Variants in NINL observed in about 807,000 individuals in gnomAD.
NINL encodes the protein ninein-like protein.
Under a neutral mutation model 160.3 loss-of-function variants are expected in NINL, and 153 were observed. That is an observed-to-expected ratio of 0.95 (90% CI 0.84 to 1.09). The LOEUF is 1.09. Among genes scored for constraint, NINL ranks in the 50% least tolerant of loss-of-function variants. The pLI is 0.00. For missense variants in NINL, 1,829 were observed against 1,764.0 expected, an observed-to-expected ratio of 1.04 and a Z score of -0.66; for synonymous variants, 800 against 734.8, an observed-to-expected ratio of 1.09 and a Z score of -1.43.
chr20:25,498,888 C>T (rs547645858), intron 8 of NINL: 128 of 984,902 alleles, frequency 1.3e-4, no homozygotes, highest in Non-Finnish European at 1.4e-4. Flanking sequence ...CACTAATAAA[C>T]TTCAAAGCAC....
chr20:25,501,665 G>C (rs2063869887), intron 7 of NINL, among the ~76,000 whole-genome samples: 1 of 152,210 alleles, frequency 6.6e-6, no homozygotes, highest in Admixed American at 6.5e-5. Flanking sequence ...CTCAGTGCTG[G>C]CTTCTGAGTT....
chr20:25,466,975 G>A (rs749191519), intron 19 of NINL, among the ~76,000 whole-genome samples: 1 of 152,206 alleles, frequency 6.6e-6, no homozygotes, highest in Non-Finnish European at 1.5e-5. Flanking sequence ...GAGCATGCTG[G>A]CGTGCGGCTC....
intron 1 of NINL, among the ~76,000 whole-genome samples, chr20:25,542,078 T>A (rs2064672465): frequency 6.6e-6 from 1 of 152,206 alleles, no homozygotes; most frequent in South Asian, 2.1e-4. Flanking sequence ...CAGCCTGCAC[T>A]CCTGGGGTGT....
chr20:25,532,939 C>A (rs998166527), intron 1 of NINL, among the ~76,000 whole-genome samples: 3 of 152,074 alleles, frequency 2.0e-5, no homozygotes, highest in African/African-American at 7.3e-5. Context: ...CAAATGGAGG[C>A]AGTTGGAAAC....
chr20:25,504,134 A>C, intron 6 of NINL, 30 bp from the exon 7 acceptor site: 1 of 1,535,996 alleles, frequency 6.5e-7, no homozygotes, highest in Non-Finnish European at 8.7e-7. Context: ...TCTCAGGCCC[A>C]CCCACAAGAG....
intron 21 of NINL, among the ~76,000 whole-genome samples, chr20:25,460,396 G>T (rs2062753829): frequency 6.6e-6 from 1 of 152,182 alleles, no homozygotes; most frequent in South Asian, 2.1e-4. Context: ...ACTTGGTGAG[G>T]TGCTTCCCAA....
At chr20:25,541,391 G>A (rs1864211737) in intron 1 of NINL, among the ~76,000 whole-genome samples, 1 of 152,228 alleles carries the variant, frequency 6.6e-6, no homozygotes, top group Non-Finnish European at 1.5e-5. Context: ...AGGCAAATGT[G>A]TCTGGGACTG....
At chr20:25,511,403 C>T (rs576128850) in intron 4 of NINL, among the ~76,000 whole-genome samples, 52 of 152,310 alleles carry the variant, frequency 3.4e-4, no homozygotes, top group African/African-American at 1.2e-3. Flanking sequence ...GCAGTGACTG[C>T]GTCAGCCAAC....
chr20:25,487,545 C>T (rs2063528444), intron 13 of NINL, among the ~76,000 whole-genome samples: 1 of 152,144 alleles, frequency 6.6e-6, no homozygotes, highest in African/African-American at 2.4e-5. Context: ...GGACCTAACC[C>T]TCTGTATGCC....
chr20:25,580,103 C>T (rs1338329852), intron 1 of NINL, among the ~76,000 whole-genome samples: 2 of 152,100 alleles, frequency 1.3e-5, no homozygotes, highest in African/African-American at 2.4e-5. Context: ...GAGGCCGAGG[C>T]GGGTGGATCA....
At chr20:25,456,880 C>T (rs1416099806) in intron 22 of NINL, among the ~76,000 whole-genome samples, 2 of 151,822 alleles carry the variant, frequency 1.3e-5, no homozygotes, top group Non-Finnish European at 2.9e-5. Flanking sequence ...TGCAGTGAGC[C>T]GAGATCGCAC....
rs756118829 is a variant in NINL at position 25,455,698 on chromosome 20, T to C, written c.3932A>G (p.Glu1311Gly). The C allele has an allele frequency of 1.2e-6, 2 of 1,614,052 alleles. No homozygotes were observed. The highest frequency in any genetic ancestry group is 1.7e-6 in the Non-Finnish European group (2 of 1,179,892). The change falls in exon 23 of 24, where the codon GAG becomes GGG. Residue 1311 changes from glutamate (E) to glycine (G), a missense_variant. By Grantham distance (98) the Glu-to-Gly change is moderately conservative. Coordinates refer to ENST00000278886, the MANE Select transcript of NINL (RefSeq NM_025176.6). ...CTGCTCCTTCAGCTTATCCACTTTC[T>C]CTTGGAGGAGCATTTCCATATTCTT... ...ILKNMEMLLQ[E>G]KVDKLKEQFE...
In NINL at chr20:25,453,522, G is replaced by A. The variant is rs1272277523; in HGVS notation, c.4078C>T (p.Leu1360Phe). ...KQRGAEKQSR[L>F]LEEKVRALNK... ...AGAGCGCGAACTTTTTCTTCCAAGA[G>A]GCGGCTTTGTTTCTCGGCGCCTCGC... The change falls in exon 24 of 24, where the codon CTC becomes TTC. Residue 1360 changes from leucine to phenylalanine, a missense_variant. Physicochemically the swap from Leu to Phe is conservative, Grantham distance 22 (BLOSUM62 0). Transcript: ENST00000278886. 3 of 1,614,006 alleles carry A rather than the reference G, an allele frequency of 1.9e-6. No homozygotes were observed. Among genetic ancestry groups the A allele is most frequent in the Non-Finnish European group, 2.5e-6 (3 of 1,180,012 alleles).
At chr20:25,542,855 AC>A (rs574656058) in intron 1 of NINL, among the ~76,000 whole-genome samples, 1 of 149,754 alleles carries the variant, frequency 6.7e-6, no homozygotes, top group Admixed American at 6.6e-5. Context: ...ACATGGTGAA[AC>A]CCCCCCTCTC....
chr20:25,580,588 G>T (rs993161781), intron 1 of NINL, among the ~76,000 whole-genome samples: 1 of 152,132 alleles, frequency 6.6e-6, no homozygotes, highest in African/African-American at 2.4e-5. Context: ...AAGACAATCG[G>T]GTTCAGAAAG....
intron 1 of NINL, among the ~76,000 whole-genome samples, chr20:25,568,328 T>G (rs563111508): frequency 1.6e-4 from 24 of 152,052 alleles, no homozygotes; most frequent in African/African-American, 4.8e-4. Flanking sequence ...ACTCCTATTA[T>G]TTAGGAGTAC....
chr20:25,457,349 A>C (rs948579423), intron 22 of NINL, among the ~76,000 whole-genome samples: 57 of 151,904 alleles, frequency 3.8e-4, no homozygotes, highest in Non-Finnish European at 7.4e-4. Context: ...CAAAACAAAA[A>C]TATGTTCTGG....
In NINL at chr20:25,476,323, T is replaced by G. The variant is rs770244051; in HGVS notation, c.2968A>C (p.Thr990Pro). The change falls in exon 17 of 24, where the codon ACC (threonine) becomes CCC (proline). Residue 990 changes from threonine (T) to proline (P), a missense_variant. By Grantham distance (38) the Thr-to-Pro change is conservative. Coordinates refer to ENST00000278886, the MANE Select transcript of NINL (RefSeq NM_025176.6). ...EERARSWSRG[T>P]QEQASEQQAR... ...TGCTGCTCCGAGGCCTGCTCCTGGG[T>G]GCCCCTGCTCCAGCTTCGTGCTCGC... 1 of 1,612,942 alleles carries G rather than the reference T, an allele frequency of 6.2e-7. No individual in the cohort carries two copies. Among genetic ancestry groups the G allele is most frequent in the South Asian group, 1.1e-5 (1 of 91,068 alleles).
At chr20:25,502,898 A>C (rs191280705) in intron 7 of NINL, among the ~76,000 whole-genome samples, 17 of 152,324 alleles carry the variant, frequency 1.1e-4, no homozygotes, top group Admixed American at 1.3e-4. Flanking sequence ...GAGTTAATTA[A>C]ACCTCTTTTC....
Sources: allele counts gnomAD v4.1 joint callset (sites outside exome capture counted in the v4.1 genomes callset), GRCh38; gene constraint gnomAD v4.1.1; transcripts MANE v1.5; gene names NCBI Gene and HGNC (gene_info 2026-07-23, HGNC 2026-07-21).